ST8SIA6: variants seen among roughly 807,000 people sequenced by gnomAD.
ST8SIA6 encodes the protein alpha-2,8-sialyltransferase 8F.
Under a neutral mutation model 33.6 loss-of-function variants are expected in ST8SIA6, and 39 were observed. The ratio of observed to expected loss-of-function variants is 1.16; its 90% confidence interval spans 0.90 to 1.52. The LOEUF is 1.52. Among genes scored for constraint, ST8SIA6 ranks in the 40% most tolerant of loss-of-function variants. ST8SIA6 has a pLI of 0.00. For synonymous variants in ST8SIA6, 172 were observed against 167.2 expected, an observed-to-expected ratio of 1.03 and a Z score of -0.22; for missense variants, 441 against 443.8, an observed-to-expected ratio of 0.99 and a Z score of 0.06.
At chr10:17,435,048 G>A (rs1424836329) in intron 2 of ST8SIA6, among the ~76,000 whole-genome samples, 1 of 152,176 alleles carries the variant, frequency 6.6e-6, no homozygotes. Flanking sequence ...TACACTCAGG[G>A]GGATGCCAGC....
rs1302192031 is a variant in ST8SIA6 at position 17,454,294 on chromosome 10, G to C, written c.-39C>G. On this transcript the variant is annotated 5_prime_UTR_variant, in exon 1 of 8. Transcript: ENST00000377602. The surrounding 1 kb of genome is among the most constrained non-coding windows in gnomAD (Gnocchi z 4.1). Reference sequence around the variant, plus strand: ...CGCCGCCGCCACCGCTGCTGCCGGGGCGAAGCACAGCCCGGGCGGCCCCGA... The same window carrying C: ...CGCCGCCGCCACCGCTGCTGCCGGGCCGAAGCACAGCCCGGGCGGCCCCGA... 1 of 189,716 alleles carries C rather than the reference G, an allele frequency of 5.3e-6. No homozygotes were observed. Among genetic ancestry groups the C allele is most frequent in the Admixed American group, 6.1e-5 (1 of 16,278 alleles). The allele number at this position is 189,716 out of a possible 1,614,324, so 11.8% of individuals were successfully genotyped here.
At position 17,321,261 on chromosome 10, in the gene ST8SIA6, A is replaced by C. The variant is rs1847937357; in HGVS notation, c.814T>G (p.Ser272Ala). 1 of 1,614,034 alleles carries C rather than the reference A, an allele frequency of 6.2e-7. No individual in the cohort carries two copies. Among genetic ancestry groups the C allele is most frequent in the Non-Finnish European group, 8.5e-7 (1 of 1,179,936 alleles). The change falls in exon 8 of 8, where the codon TCC (serine) becomes GCC (alanine). Residue 272 changes from serine to alanine, a missense_variant. Transcript: ENST00000377602. ...GAGGTACCCGTGTTGGCCCTGAAGG[A>C]AAATGCTGGCAGAAGAAAAAATGCA... ...GDAFFLLPAFSFRANTGTSFK... is the reference protein window; with the variant it reads ...GDAFFLLPAFAFRANTGTSFK...
Position 17,321,345 on chromosome 10 carries a change from A to G in ST8SIA6, c.730T>C (p.Tyr244His), listed in dbSNP as rs1412284902. The G allele has an allele frequency of 9.5e-6, 15 of 1,581,474 alleles. No individual in the cohort carries two copies. Among genetic ancestry groups the G allele is most frequent in the Non-Finnish European group, 1.2e-5 (14 of 1,170,728 alleles). The change falls in exon 8 of 8, where the codon TAT (tyrosine) becomes CAT (histidine). Residue 244 changes from tyrosine (Y) to histidine (H), a missense_variant and splice_region_variant. Physicochemically the swap from Tyr to His is moderately conservative, Grantham distance 83. Coordinates refer to ENST00000377602, the MANE Select transcript of ST8SIA6 (RefSeq NM_001004470.3). ...TINPSIITLK[Y>H]GNLKEKKALF... is the part of the protein sequence containing the mutation. Reference sequence around the variant, plus strand: ...GCTTTTTTTTCCTTTAAGTTCCCATATCTGCCAAATTAAAAAAAAATTATA... The same window carrying G: ...GCTTTTTTTTCCTTTAAGTTCCCATGTCTGCCAAATTAAAAAAAAATTATA...
chr10:17,441,460 G>A (rs1228282094), intron 2 of ST8SIA6, among the ~76,000 whole-genome samples: 2 of 151,918 alleles, frequency 1.3e-5, no homozygotes, highest in African/African-American at 4.8e-5. Flanking sequence ...TGACAGGCAT[G>A]CACCACCATG....
chr10:17,364,410 TTAGA>T (rs1849494072), intron 3 of ST8SIA6, among the ~76,000 whole-genome samples: 1 of 152,288 alleles, frequency 6.6e-6, no homozygotes, highest in African/African-American at 2.4e-5. Flanking sequence ...CCATCTATTA[TTAGA>T]TATACTTCTG....
intron 3 of ST8SIA6, among the ~76,000 whole-genome samples, chr10:17,378,700 C>A (rs547652860): frequency 6.6e-6 from 1 of 152,256 alleles, no homozygotes; most frequent in African/African-American, 2.4e-5. Context: ...TTTAAGTCCA[C>A]CCCCAAAATC....
intron 6 of ST8SIA6, among the ~76,000 whole-genome samples, chr10:17,326,230 G>C (rs1848125434): frequency 6.6e-6 from 1 of 152,158 alleles, no homozygotes; most frequent in Non-Finnish European, 1.5e-5. Flanking sequence ...ATTAAATCAA[G>C]AGGGATCAAA....
intron 2 of ST8SIA6, among the ~76,000 whole-genome samples, chr10:17,431,813 A>G (rs1170419307): frequency 6.6e-6 from 1 of 152,230 alleles, no homozygotes; most frequent in Non-Finnish European, 1.5e-5. Flanking sequence ...CAGGCACAAC[A>G]GTAAATGAAA....
chr10:17,397,233 GTTTTTT>G (rs34049805), intron 2 of ST8SIA6, among the ~76,000 whole-genome samples: 2 of 124,250 alleles, frequency 1.6e-5, no homozygotes. Flanking sequence ...ATTGTTTTTT[GTTTTTT>G]TTTTTTTTTT....
intron 5 of ST8SIA6, among the ~76,000 whole-genome samples, chr10:17,328,053 C>T (rs930534716): frequency 1.2e-4 from 19 of 152,188 alleles, no homozygotes; most frequent in Non-Finnish European, 2.5e-4. Flanking sequence ...TTTTTCATCA[C>T]ATAATTAAGG....
intron 2 of ST8SIA6, among the ~76,000 whole-genome samples, chr10:17,432,668 G>A (rs974832103): frequency 2.6e-5 from 4 of 152,166 alleles, no homozygotes; most frequent in African/African-American, 7.2e-5. Flanking sequence ...GGAAACAGAT[G>A]AGTGAGACCT....
chr10:17,394,907 G>A (rs1028095020), intron 2 of ST8SIA6, among the ~76,000 whole-genome samples: 3 of 152,158 alleles, frequency 2.0e-5, no homozygotes, highest in African/African-American at 7.2e-5. Flanking sequence ...GAACAACATC[G>A]TGGCACAAGA....
At chr10:17,356,322 A>G (rs1384658868) in intron 4 of ST8SIA6, among the ~76,000 whole-genome samples, 1 of 152,146 alleles carries the variant, frequency 6.6e-6, no homozygotes, top group African/African-American at 2.4e-5. Flanking sequence ...ATTCAAGTCA[A>G]TAAATAAATG....
intron 2 of ST8SIA6, among the ~76,000 whole-genome samples, chr10:17,430,122 G>A (rs527462492): frequency 6.6e-6 from 1 of 152,206 alleles, no homozygotes; most frequent in East Asian, 1.9e-4. Flanking sequence ...TCATAGCTTA[G>A]CTCCCATTTA....
Position 17,330,593 on chromosome 10 carries a change from G to C in ST8SIA6, c.522+815C>G, listed in dbSNP as rs45614335. On this transcript the variant is annotated intron_variant, in intron 5 of 7. Transcript: ENST00000377602. ...CATGAGCAACAAAAATTAGCTGAAAGAGGTCAAAGCTCCAATAAAAGAAAA... is the reference window on the plus strand; with the variant it reads ...CATGAGCAACAAAAATTAGCTGAAACAGGTCAAAGCTCCAATAAAAGAAAA... 1.0e-2 allele frequency among the ~76,000 whole-genome samples: 1,518 copies of C among 152,252 alleles called. 20 individuals are homozygous for C. Among genetic ancestry groups the C allele is most frequent in the Non-Finnish European group, 0.015 (1,032 of 68,012 alleles).
intron 2 of ST8SIA6, among the ~76,000 whole-genome samples, chr10:17,446,072 A>G (rs1019062636): frequency 6.6e-6 from 1 of 152,098 alleles, no homozygotes; most frequent in African/African-American, 2.4e-5. Flanking sequence ...ACATTCAGAG[A>G]TTTGTTTAAG....
intron 3 of ST8SIA6, among the ~76,000 whole-genome samples, chr10:17,378,931 C>T (rs1373533776): frequency 2.6e-5 from 4 of 152,054 alleles, no homozygotes; most frequent in African/African-American, 9.7e-5. Context: ...TCAAGACCAT[C>T]CTGGCTAACA....
intron 4 of ST8SIA6, among the ~76,000 whole-genome samples, chr10:17,334,569 A>ATTATT (rs1564405793): frequency 0.015 from 1,788 of 121,106 alleles, 25 homozygotes; most frequent in Non-Finnish European, 0.019. Context: ...TTATTATTAT[A>ATTATT]ATAATAAAAT....
chr10:17,454,126 G>C lies in ST8SIA6; in HGVS notation c.101+29C>G, dbSNP rs899455259. ...GGGCGCCAGGCGGGGCGCGCGGCGC[G>C]GGGCGCGGCCGGCGGGTGGGTGGGT... is the stretch of plus-strand genomic sequence containing the variant. On this transcript the variant is annotated intron_variant, in intron 1 of 7. Transcript: ENST00000377602. This position sits in a 1 kb window ranked among gnomAD's most constrained non-coding sequence, Gnocchi z 4.1. 7.5e-6 allele frequency: 2 copies of C among 266,216 alleles called. No homozygotes were observed. The highest frequency in any genetic ancestry group is 4.5e-5 in the African/African-American group (2 of 44,314). 16.5% of individuals were successfully genotyped at this position (266,216 alleles called of 1,614,324 possible).
Sources: gnomAD v4.1 joint callset for allele counts (sites outside exome capture counted in the v4.1 genomes callset) on GRCh38, gnomAD v4.1.1 for gene constraint, Gnocchi (gnomAD v3.1) non-coding constraint, MANE v1.5 for transcripts, NCBI Gene and HGNC (gene_info 2026-07-23, HGNC 2026-07-21) for gene names.